Variants in DPP6 observed in about 807,000 individuals in gnomAD.
The protein encoded by DPP6 is dipeptidyl peptidase like 6.
Under a neutral mutation model 122.6 loss-of-function variants are expected in DPP6, and 69 were observed. That is an observed-to-expected ratio of 0.56 (90% CI 0.46 to 0.69). DPP6 has a LOEUF of 0.69. Ranked by LOEUF, DPP6 falls within the 30% of genes least tolerant of loss-of-function variation. DPP6 has a pLI of 0.00. For missense variants in DPP6, 928 were observed against 1,116.9 expected, an observed-to-expected ratio of 0.83 and a Z score of 2.41; for synonymous variants, 418 against 433.1, an observed-to-expected ratio of 0.97 and a Z score of 0.43.
At chr7:154,718,553 C>A (rs1302974146) in intron 7 of DPP6, among the ~76,000 whole-genome samples, 1 of 151,568 alleles carries the variant, frequency 6.6e-6, no homozygotes, top group Non-Finnish European at 1.5e-5. Flanking sequence ...ACTCCCACAC[C>A]CCCCCCAACT....
chr7:154,300,092 A>G (rs1805805110), intron 1 of DPP6, among the ~76,000 whole-genome samples: 1 of 152,226 alleles, frequency 6.6e-6, no homozygotes, highest in African/African-American at 2.4e-5. Flanking sequence ...GGTATCTGAG[A>G]AATTGCTAAT....
the DPP6 span, among the ~76,000 whole-genome samples, chr7:153,871,641 T>G: frequency 6.6e-6 from 1 of 152,196 alleles, no homozygotes; most frequent in South Asian, 2.1e-4. Flanking sequence ...TTACGCACAG[T>G]GCGCTGCACC....
At position 154,624,631 on chromosome 7, in the gene DPP6, G is replaced by T. The variant is rs944271980; in HGVS notation, c.628-13190G>T. Among the ~76,000 whole-genome samples, 1 of 152,158 alleles carries T rather than the reference G, an allele frequency of 6.6e-6. No individual in the cohort carries two copies. Among genetic ancestry groups the T allele is most frequent in the African/African-American group, 2.4e-5 (1 of 41,428 alleles). On this transcript the variant is annotated intron_variant, in intron 5 of 25. Transcript: ENST00000377770. This position sits in a 1 kb window ranked among gnomAD's most constrained non-coding sequence, Gnocchi z 4.7. ...GGCACTAAGAGGATGACCCCGTGGT[G>T]GTCAGGTACCTTGCTGCTCTGCACA...
In DPP6 at chr7:154,606,148, C is replaced by T. The variant is rs1361525765; in HGVS notation, c.628-31673C>T. 1.7e-5 allele frequency among the ~76,000 whole-genome samples: 2 copies of T among 120,046 alleles called. 1 individual carries two copies. The highest frequency in any genetic ancestry group is 5.3e-5 in the African/African-American group (2 of 37,820). The allele number at this position is 120,046 out of a possible 152,430, so 78.8% of individuals were successfully genotyped here. On this transcript the variant is annotated intron_variant, in intron 5 of 25. Transcript: ENST00000377770. ...CATTGAAAGAGGACCCTTCAATTGG[C>T]CACTGGCTTATTAGTTATATTGTTG...
chr7:154,570,230 G>A (rs1352941369), intron 5 of DPP6, among the ~76,000 whole-genome samples: 1 of 151,878 alleles, frequency 6.6e-6, no homozygotes, highest in East Asian at 1.9e-4. Flanking sequence ...AAATAGTACA[G>A]CAACATCCTG....
intron 1 of DPP6, among the ~76,000 whole-genome samples, chr7:154,415,250 A>G (rs758850383): frequency 2.0e-5 from 3 of 152,198 alleles, no homozygotes; most frequent in Non-Finnish European, 4.4e-5. Context: ...GACACTCTAG[A>G]TAAATCACTC....
chr7:154,052,989 G>A lies in DPP6; in HGVS notation c.169G>A (p.Gly57Ser), dbSNP rs1800484058. The change falls in exon 1 of 26, where the codon GGC (glycine) becomes AGC (serine). Residue 57 changes from glycine (G) to serine (S), a missense_variant. Transcript: ENST00000377770. The surrounding 1 kb of genome is among the most constrained non-coding windows in gnomAD (Gnocchi z 4.8). ...GCAGGCGGCGGCGCCCCGGGAGCGCGGCGGCGGCGGCGGCGGCGCGGGTGG... is the reference window on the plus strand; with the variant it reads ...GCAGGCGGCGGCGCCCCGGGAGCGCAGCGGCGGCGGCGGCGGCGCGGGTGG... The part of the protein sequence containing the change: ...RAQAAAPRER[G>S]GGGGGAGGRP... 2 of 988,048 alleles carry A rather than the reference G, an allele frequency of 2.0e-6. No homozygotes were observed. Among genetic ancestry groups the A allele is most frequent in the South Asian group, 4.6e-5 (1 of 21,898 alleles). 61.2% of individuals were successfully genotyped at this position (988,048 alleles called of 1,614,324 possible).
upstream of DPP6, among the ~76,000 whole-genome samples, chr7:153,886,328 G>T (rs1038171432): frequency 1.3e-5 from 2 of 152,184 alleles, no homozygotes; most frequent in Non-Finnish European, 2.9e-5. Context: ...GGGGCAGCAG[G>T]TGGAGACGGG....
chr7:154,068,022 A>G (rs149769010), intron 1 of DPP6, among the ~76,000 whole-genome samples: 9,384 of 149,628 alleles, frequency 0.063, 1,006 homozygotes, highest in African/African-American at 0.22. Flanking sequence ...TCGGTCTCCC[A>G]AAGTACTGGG....
chr7:154,194,638 C>T (rs1025612997), intron 1 of DPP6, among the ~76,000 whole-genome samples: 1 of 152,320 alleles, frequency 6.6e-6, no homozygotes, highest in African/African-American at 2.4e-5. Context: ...AGGATGAATT[C>T]TTTCGTTGTC....
At chr7:153,773,136 A>G in the DPP6 span, among the ~76,000 whole-genome samples, 1 of 148,672 alleles carries the variant, frequency 6.7e-6, no homozygotes, top group South Asian at 2.1e-4. Context: ...GTGTAACAAT[A>G]CTATGTATGC....
rs1585161044 is a variant in DPP6 at position 154,003,751 on chromosome 7, G to A, written c.51+116017G>A. On this transcript the variant is annotated intron_variant, in intron 1 of 25. Coordinates refer to the DPP6 transcript ENST00000404039. ...TTGCCAGGGGCATCTTTTCTGAGCA[G>A]GGCTGCTCCATGCATCTCTCCTTCT... is the stretch of plus-strand genomic sequence containing the variant. Among the ~76,000 whole-genome samples the A allele has an allele frequency of 2.0e-5, 3 of 152,116 alleles. No individual in the cohort carries two copies. In the South Asian group the frequency reaches 6.2e-4, roughly 32 times the overall value.
At chr7:154,824,749 C>T (rs952534563) in intron 16 of DPP6, among the ~76,000 whole-genome samples, 1 of 152,216 alleles carries the variant, frequency 6.6e-6, no homozygotes, top group African/African-American at 2.4e-5. Context: ...AGCTGCTTCC[C>T]TGGCTGTGCA....
intron 1 of DPP6, among the ~76,000 whole-genome samples, chr7:153,989,379 G>A (rs1293396512): frequency 6.6e-6 from 1 of 151,186 alleles, no homozygotes; most frequent in Non-Finnish European, 1.5e-5. Flanking sequence ...GGGGAGGAGT[G>A]AGAGTTGTGT....
In DPP6 at chr7:154,026,469, A is replaced by G. The variant is rs184725164; in HGVS notation, c.51+138735A>G. On this transcript the variant is annotated intron_variant, in intron 1 of 25. Transcript: ENST00000404039. ...CTCAGGGAACCTGGCGCAGATGCAGAGATTAGACTTGAGACCTAGAGAAGT... is the reference window on the plus strand; with the variant it reads ...CTCAGGGAACCTGGCGCAGATGCAGGGATTAGACTTGAGACCTAGAGAAGT... 7 of 152,320 alleles carry G rather than the reference A, an allele frequency of 4.6e-5. No homozygotes were observed. In the East Asian group the frequency reaches 1.4e-3, roughly 29 times the overall value. 9.4% of individuals were successfully genotyped at this position (152,320 alleles called of 1,614,324 possible).
intron 4 of DPP6, among the ~76,000 whole-genome samples, chr7:154,557,342 C>G (rs1487693372): frequency 1.3e-5 from 2 of 152,180 alleles, no homozygotes; most frequent in Non-Finnish European, 2.9e-5. Flanking sequence ...GACCCTCCAT[C>G]AAGGAATGTG....
At chr7:154,022,484 C>T (rs527843274) in intron 1 of DPP6, among the ~76,000 whole-genome samples, 19 of 152,112 alleles carry the variant, frequency 1.2e-4, no homozygotes, top group Admixed American at 9.2e-4. Flanking sequence ...AAGTAGAGGC[C>T]GGGAAAAACA....
intron 1 of DPP6, among the ~76,000 whole-genome samples, chr7:154,399,971 G>A (rs528613006): frequency 6.6e-6 from 1 of 152,328 alleles, no homozygotes; most frequent in African/African-American, 2.4e-5. Flanking sequence ...AGGCCGAGAA[G>A]TCTAGGTGTG....
At chr7:154,644,931 G>T (rs964009356) in intron 6 of DPP6, among the ~76,000 whole-genome samples, 3 of 151,852 alleles carry the variant, frequency 2.0e-5, no homozygotes, top group African/African-American at 7.3e-5. Flanking sequence ...GGGTAGTCTC[G>T]AACTCCTGAG....
Sources: gnomAD v4.1 joint callset for allele counts (sites outside exome capture counted in the v4.1 genomes callset) on GRCh38, gnomAD v4.1.1 for gene constraint, Gnocchi (gnomAD v3.1) non-coding constraint, MANE v1.5 for transcripts, NCBI Gene and HGNC (gene_info 2026-07-23, HGNC 2026-07-21) for gene names.